Variants in CCSER1 observed in about 807,000 individuals in gnomAD.
The protein encoded by CCSER1 is coiled-coil serine rich protein 1, also known as serine-rich coiled-coil domain-containing protein 1.
In CCSER1, 41 loss-of-function variants were observed where a neutral mutation model predicts 82.0. That is an observed-to-expected ratio of 0.50 (90% CI 0.39 to 0.65). The LOEUF (loss-of-function observed/expected upper bound fraction) is 0.65, where lower values mean the gene tolerates loss of function less well. CCSER1 is among the 30% of genes least tolerant of loss of function. The pLI, the probability that CCSER1 is intolerant of heterozygous loss-of-function variation, is 0.00. For synonymous variants in CCSER1, 414 were observed against 383.9 expected, an observed-to-expected ratio of 1.08 and a Z score of -0.92; for missense variants, 1,119 against 1,064.2, an observed-to-expected ratio of 1.05 and a Z score of -0.72.
chr4:90,656,145 ATTG>A (rs1358869549), intron 6 of CCSER1, among the ~76,000 whole-genome samples: 3 of 151,934 alleles, frequency 2.0e-5, no homozygotes, highest in African/African-American at 7.2e-5. Flanking sequence ...GTTTTTAAAA[ATTG>A]TTGTTAACAA....
At chr4:91,198,563 G>A (rs1735641620) in intron 10 of CCSER1, among the ~76,000 whole-genome samples, 1 of 152,098 alleles carries the variant, frequency 6.6e-6, no homozygotes, top group Non-Finnish European at 1.5e-5. Context: ...ACTTAGGAAA[G>A]AGTAGTAACG....
At chr4:90,580,293 CAGGAA>C (rs1781284872) in intron 5 of CCSER1, among the ~76,000 whole-genome samples, 1 of 152,134 alleles carries the variant, frequency 6.6e-6, no homozygotes, top group Non-Finnish European at 1.5e-5. Flanking sequence ...TATGTGACTT[CAGGAA>C]AGTCATTTTG....
intron 10 of CCSER1, among the ~76,000 whole-genome samples, chr4:91,452,444 A>G (rs916186674): frequency 4.6e-5 from 7 of 152,086 alleles, no homozygotes; most frequent in Non-Finnish European, 7.4e-5. Flanking sequence ...ACTACTTGTC[A>G]TTTGTAGAGT....
chr4:90,284,026 G>A (rs564585227), intron 1 of CCSER1, among the ~76,000 whole-genome samples: 2 of 152,026 alleles, frequency 1.3e-5, no homozygotes, highest in South Asian at 4.2e-4. Flanking sequence ...TTTTAACTGG[G>A]ATGAGATGAT....
chr4:90,202,461 C>T (rs959949279), intron 1 of CCSER1, among the ~76,000 whole-genome samples: 3 of 152,110 alleles, frequency 2.0e-5, no homozygotes, highest in African/African-American at 7.2e-5. Flanking sequence ...CCTTGGCCTC[C>T]CAGAGTGCTG....
chr4:91,225,874 A>C (rs1347654865), intron 10 of CCSER1, among the ~76,000 whole-genome samples: 1 of 151,970 alleles, frequency 6.6e-6, no homozygotes, highest in East Asian at 1.9e-4. Context: ...TTATGGTAGA[A>C]TCTGAGTAAC....
intron 10 of CCSER1, among the ~76,000 whole-genome samples, chr4:91,562,102 T>C (rs1207525831): frequency 6.6e-6 from 1 of 151,470 alleles, no homozygotes; most frequent in Non-Finnish European, 1.5e-5. Context: ...ATCTAGAAAA[T>C]AGGGTTAAGG....
chr4:90,407,565 A>G (rs1753916017), intron 4 of CCSER1, among the ~76,000 whole-genome samples: 1 of 152,194 alleles, frequency 6.6e-6, no homozygotes, highest in Non-Finnish European at 1.5e-5. Flanking sequence ...AACTACAGAC[A>G]AATATCCCTG....
At chr4:91,125,504 T>C (rs1277724034) in intron 10 of CCSER1, among the ~76,000 whole-genome samples, 3 of 151,738 alleles carry the variant, frequency 2.0e-5, no homozygotes, top group Non-Finnish European at 4.4e-5. Context: ...TAAGATGTGT[T>C]TGCTTTACAA....
chr4:90,324,117 C>T (rs969648712), intron 3 of CCSER1, among the ~76,000 whole-genome samples: 1 of 149,470 alleles, frequency 6.7e-6, no homozygotes, highest in African/African-American at 2.6e-5. Flanking sequence ...GTGAATAGTG[C>T]CGCAATAAAC....
At chr4:90,481,548 A>G (rs960246852) in intron 5 of CCSER1, among the ~76,000 whole-genome samples, 2 of 152,212 alleles carry the variant, frequency 1.3e-5, no homozygotes, top group Non-Finnish European at 2.9e-5. Flanking sequence ...TGTCCCATCA[A>G]TACTTAATTT....
intron 5 of CCSER1, among the ~76,000 whole-genome samples, chr4:90,614,723 T>A (rs1224839866): frequency 6.6e-6 from 1 of 152,102 alleles, no homozygotes; most frequent in Non-Finnish European, 1.5e-5. Flanking sequence ...TTCATGAGAT[T>A]TAAGGAGAGA....
chr4:91,254,058 T>C (rs1740482290), intron 10 of CCSER1, among the ~76,000 whole-genome samples: 1 of 152,124 alleles, frequency 6.6e-6, no homozygotes, highest in South Asian at 2.1e-4. Flanking sequence ...ATTGAAACTA[T>C]ATCAGTAACA....
intron 6 of CCSER1, among the ~76,000 whole-genome samples, chr4:90,719,177 A>C (rs1031421475): frequency 3.3e-5 from 5 of 152,012 alleles, no homozygotes; most frequent in Admixed American, 3.3e-4. Flanking sequence ...ACTGAGCTCC[A>C]CCTGCCTTTC....
At chr4:90,864,761 C>T (rs1319401821) in intron 8 of CCSER1, among the ~76,000 whole-genome samples, 1 of 152,014 alleles carries the variant, frequency 6.6e-6, no homozygotes, top group East Asian at 1.9e-4. Context: ...ATGTTCCCAG[C>T]AATCTAGGCA....
At chr4:91,375,074 T>G (rs1341874483) in intron 10 of CCSER1, among the ~76,000 whole-genome samples, 1 of 152,148 alleles carries the variant, frequency 6.6e-6, no homozygotes, top group African/African-American at 2.4e-5. Flanking sequence ...AAAAGTAAAT[T>G]GAAAACCTTC....
chr4:90,670,279 A>G (rs1732554795), intron 6 of CCSER1, among the ~76,000 whole-genome samples: 1 of 152,116 alleles, frequency 6.6e-6, no homozygotes, highest in Non-Finnish European at 1.5e-5. Flanking sequence ...CTAGAAGCAG[A>G]CGTTGAGACA....
Position 90,309,070 on chromosome 4 carries a change from C to G in CCSER1, c.786C>G (p.Ala262=). ...CTCAGACACCTTCAGAATTTTTAGC[C>G]TTGACTGAAGATTCTGTGTCTGAAA... The part of the protein sequence containing the change: ...TTAQTPSEFL[A]LTEDSVSEMD... Residue 262 remains alanine (A), a synonymous_variant, in exon 2 of 11, where the codon GCC becomes GCG. Transcript: ENST00000509176. 1.9e-6 allele frequency: 3 copies of G among 1,613,846 alleles called. No homozygotes were observed. Among genetic ancestry groups the G allele is most frequent in the Non-Finnish European group, 2.5e-6 (3 of 1,179,844 alleles).
At chr4:90,193,562 C>T (rs1411680762) in intron 1 of CCSER1, among the ~76,000 whole-genome samples, 1 of 148,632 alleles carries the variant, frequency 6.7e-6, no homozygotes, top group African/African-American at 2.5e-5. Context: ...GTTATTACTT[C>T]ACTTGAGCAC....
Sources: allele counts gnomAD v4.1 joint callset (sites outside exome capture counted in the v4.1 genomes callset), GRCh38; gene constraint gnomAD v4.1.1; transcripts MANE v1.5; gene names NCBI Gene and HGNC (gene_info 2026-07-23, HGNC 2026-07-21).